XXYLT1: variants seen among roughly 807,000 people sequenced by gnomAD.
XXYLT1 encodes xyloside xylosyltransferase 1, also known as UDP-xylose:alpha-xyloside alpha-1,3-xylosyltransferase.
A neutral mutation model predicts 28.9 loss-of-function variants in XXYLT1; 20 were observed. The observed-to-expected ratio is 0.69, with a 90% CI of 0.49 to 1.00. The LOEUF (loss-of-function observed/expected upper bound fraction) is 1.00, where lower values mean the gene tolerates loss of function less well. Ranked by LOEUF, XXYLT1 falls within the 50% of genes least tolerant of loss-of-function variation. The probability of loss-of-function intolerance (pLI) is 0.00; values close to 1 mark genes in which losing one functional copy is unlikely to be tolerated. For synonymous variants in XXYLT1, 257 were observed against 253.8 expected (o/e 1.01, Z -0.12); for missense variants, 542 against 560.1 (o/e 0.97, Z 0.33).
chr3:195,244,480 G>A lies in XXYLT1; in HGVS notation c.505-17624C>T, dbSNP rs11924854. ...GAATCTTCATTTAAAAACCACTCCCGGCCGGGCGCGGTGGCTCATGCCTGT... is the reference window on the plus strand; with the variant it reads ...GAATCTTCATTTAAAAACCACTCCCAGCCGGGCGCGGTGGCTCATGCCTGT... On this transcript the variant is annotated intron_variant, in intron 1 of 3. Coordinates refer to ENST00000310380, the MANE Select transcript of XXYLT1 (RefSeq NM_152531.5). 3.8e-3 allele frequency among the ~76,000 whole-genome samples: 571 copies of A among 152,218 alleles called. 1 individual carries two copies. The highest frequency in any genetic ancestry group is 0.012 in the African/African-American group (502 of 41,524).
intron 2 of XXYLT1, among the ~76,000 whole-genome samples, chr3:195,211,638 C>A (rs1451703414): frequency 1.3e-5 from 2 of 151,916 alleles, no homozygotes; most frequent in Admixed American, 6.5e-5. Flanking sequence ...ATGATCAAAA[C>A]AAACAAAAAA....
rs186617205 is a variant in XXYLT1 at position 195,253,024 on chromosome 3, G to A, written c.504+17531C>T. ...CAAGGGAACGTGGGAAAATGAAGAC[G>A]GTTTGTTGAATGAGATTTACAGCTT... On this transcript the variant is annotated intron_variant, in intron 1 of 3. Transcript: ENST00000310380. Among the ~76,000 whole-genome samples, 94 of 152,240 alleles carry A rather than the reference G, an allele frequency of 6.2e-4. No homozygotes were observed. The East Asian group carries it at 0.013, about 20-fold the overall frequency.
intron 3 of XXYLT1, among the ~76,000 whole-genome samples, chr3:195,131,261 A>G (rs1422622309): frequency 6.6e-6 from 1 of 152,134 alleles, no homozygotes; most frequent in East Asian, 1.9e-4. Context: ...CTCCCCATTC[A>G]TTTCCAAACA....
intron 2 of XXYLT1, among the ~76,000 whole-genome samples, chr3:195,224,701 G>T (rs974288927): frequency 5.9e-5 from 9 of 152,154 alleles, no homozygotes; most frequent in African/African-American, 2.2e-4. Flanking sequence ...GGAGGTGAAG[G>T]GAGGGCAGGC....
chr3:195,241,481 C>G (rs966157788), intron 1 of XXYLT1, among the ~76,000 whole-genome samples: 1 of 152,134 alleles, frequency 6.6e-6, no homozygotes, highest in East Asian at 1.9e-4. Context: ...GCAATTCCAA[C>G]AAGAACTGGA....
At chr3:195,207,895 C>T (rs760815975) in intron 2 of XXYLT1, among the ~76,000 whole-genome samples, 4 of 152,186 alleles carry the variant, frequency 2.6e-5, no homozygotes, top group Non-Finnish European at 5.9e-5. Flanking sequence ...AGTTCCTCAC[C>T]ATGCAGGCCT....
intron 2 of XXYLT1, among the ~76,000 whole-genome samples, chr3:195,196,767 CAAATTA>C (rs904282249): frequency 7.9e-5 from 12 of 151,868 alleles, no homozygotes; most frequent in African/African-American, 2.9e-4. Flanking sequence ...CGGCTTTGTA[CAAATTA>C]AAATGCCAAA....
intron 3 of XXYLT1, among the ~76,000 whole-genome samples, chr3:195,099,341 C>G (rs1450105619): frequency 2.0e-5 from 3 of 152,186 alleles, no homozygotes; most frequent in African/African-American, 2.4e-5. Flanking sequence ...ACCCAGGCAT[C>G]ATGACCACAG....
intron 2 of XXYLT1, among the ~76,000 whole-genome samples, chr3:195,165,733 T>C (rs548260973): frequency 1.2e-4 from 18 of 152,310 alleles, no homozygotes; most frequent in African/African-American, 4.3e-4. Context: ...ATTGGTGCTG[T>C]TGATACTACA....
intron 3 of XXYLT1, among the ~76,000 whole-genome samples, chr3:195,146,543 C>T (rs1719861001): frequency 6.6e-6 from 1 of 152,186 alleles, no homozygotes; most frequent in Non-Finnish European, 1.5e-5. Context: ...AAATGCCTGC[C>T]CAGTGAGCTT....
At chr3:195,223,476 A>C (rs1723917575) in intron 2 of XXYLT1, among the ~76,000 whole-genome samples, 2 of 152,202 alleles carry the variant, frequency 1.3e-5, no homozygotes. Flanking sequence ...GAGAAAAACG[A>C]ATGCTATGAA....
At chr3:195,132,530 T>C (rs1718955446) in intron 3 of XXYLT1, among the ~76,000 whole-genome samples, 1 of 152,190 alleles carries the variant, frequency 6.6e-6, no homozygotes, top group East Asian at 1.9e-4. Context: ...CACACATTCA[T>C]TAAGCAGCAG....
chr3:195,110,559 GT>G (rs1414339155), intron 3 of XXYLT1, among the ~76,000 whole-genome samples: 63 of 76,534 alleles, frequency 8.2e-4, no homozygotes, highest in Admixed American at 1.7e-3. Flanking sequence ...TGTGTGTGGT[GT>G]ATGTATGTGG....
intron 2 of XXYLT1, among the ~76,000 whole-genome samples, chr3:195,197,687 G>T (rs546331288): frequency 7.2e-5 from 11 of 152,256 alleles, no homozygotes; most frequent in Non-Finnish European, 1.3e-4. Flanking sequence ...TATCCCGTCC[G>T]CTCAGGATCA....
intron 2 of XXYLT1, among the ~76,000 whole-genome samples, chr3:195,160,991 G>A (rs560028443): frequency 1.3e-5 from 2 of 152,318 alleles, no homozygotes; most frequent in East Asian, 3.9e-4. Flanking sequence ...AGGAATAGGG[G>A]CTACAAAGGA....
chr3:195,192,605 T>C (rs1269283847), intron 2 of XXYLT1, among the ~76,000 whole-genome samples: 3 of 152,178 alleles, frequency 2.0e-5, no homozygotes, highest in Non-Finnish European at 4.4e-5. Context: ...ATCCCAGGAA[T>C]GCATGGCTGG....
At chr3:195,155,889 A>G (rs1456765726) in intron 3 of XXYLT1, among the ~76,000 whole-genome samples, 1 of 152,234 alleles carries the variant, frequency 6.6e-6, no homozygotes, top group Non-Finnish European at 1.5e-5. Context: ...GGCTACTACA[A>G]ATAACGCTAC....
At chr3:195,095,072 T>C (rs2108666140) in intron 3 of XXYLT1, among the ~76,000 whole-genome samples, 1 of 152,344 alleles carries the variant, frequency 6.6e-6, no homozygotes, top group Non-Finnish European at 1.5e-5. Context: ...CCAACGCTAC[T>C]GGTCTGCAGG....
At chr3:195,081,556 A>C (rs1018733340) in intron 3 of XXYLT1, among the ~76,000 whole-genome samples, 8 of 152,164 alleles carry the variant, frequency 5.3e-5, no homozygotes, top group Admixed American at 1.3e-4. Context: ...CAGGTTAAGA[A>C]TATAGGTTCT....
Sources: gnomAD v4.1 joint callset for allele counts (sites outside exome capture counted in the v4.1 genomes callset) on GRCh38, gnomAD v4.1.1 for gene constraint, MANE v1.5 for transcripts, NCBI Gene and HGNC (gene_info 2026-07-23, HGNC 2026-07-21) for gene names.